MRPS27: variants seen among roughly 807,000 people sequenced by gnomAD.
The protein encoded by MRPS27 is small ribosomal subunit protein mS27.
MRPS27 carries 43 observed loss-of-function variants against 48.9 expected under a neutral mutation model. That is an observed-to-expected ratio of 0.88 (90% CI 0.69 to 1.13). MRPS27 has a LOEUF of 1.13. Among genes scored for constraint, MRPS27 ranks in the 50% most tolerant of loss-of-function variants. The pLI is 0.00. For synonymous variants in MRPS27, 188 were observed against 171.9 expected (o/e 1.09, Z -0.73); for missense variants, 467 against 476.3 (o/e 0.98, Z 0.18).
At chr5:72,232,174 T>C (rs1748079392) in intron 7 of MRPS27, among the ~76,000 whole-genome samples, 1 of 152,184 alleles carries the variant, frequency 6.6e-6, no homozygotes, top group African/African-American at 2.4e-5. Flanking sequence ...TCTCAGTGAC[T>C]ACCAATGACC....
intron 2 of MRPS27, among the ~76,000 whole-genome samples, chr5:72,305,980 G>A (rs770751566): frequency 6.6e-6 from 1 of 152,204 alleles, no homozygotes; most frequent in East Asian, 1.9e-4. Flanking sequence ...GTTGAAATCT[G>A]ATTGAAGTAG....
At chr5:72,261,027 C>A (rs1190654369) in intron 4 of MRPS27, among the ~76,000 whole-genome samples, 1 of 151,914 alleles carries the variant, frequency 6.6e-6, no homozygotes, top group Admixed American at 6.6e-5. Context: ...CCATGCCAGA[C>A]TAATTTTTGT....
intron 4 of MRPS27, among the ~76,000 whole-genome samples, chr5:72,270,300 T>C (rs1014849201): frequency 6.6e-6 from 1 of 150,836 alleles, no homozygotes; most frequent in South Asian, 2.1e-4. Flanking sequence ...AAAATACTCA[T>C]TAATTAAAGG....
intron 4 of MRPS27, among the ~76,000 whole-genome samples, chr5:72,248,099 T>G (rs1413702928): frequency 2.0e-5 from 3 of 152,222 alleles, no homozygotes; most frequent in Admixed American, 6.5e-5. Context: ...ATAGTAAAAC[T>G]CAGTATGACT....
At chr5:72,271,648 A>G (rs934660418) in intron 4 of MRPS27, among the ~76,000 whole-genome samples, 1 of 152,216 alleles carries the variant, frequency 6.6e-6, no homozygotes, top group Non-Finnish European at 1.5e-5. Flanking sequence ...GAGACAACTG[A>G]CAAAATTTGA....
intron 5 of MRPS27, among the ~76,000 whole-genome samples, chr5:72,237,274 C>A (rs536704715): frequency 6.6e-6 from 1 of 152,006 alleles, no homozygotes; most frequent in Non-Finnish European, 1.5e-5. Flanking sequence ...ATTTTTGTAT[C>A]CACTATCAAT....
At chr5:72,291,625 C>T (rs576493332) in intron 4 of MRPS27, among the ~76,000 whole-genome samples, 23 of 152,304 alleles carry the variant, frequency 1.5e-4, no homozygotes, top group Middle Eastern at 6.8e-3. Context: ...TCATCTGCTG[C>T]CTACATTCAT....
chr5:72,249,785 T>C (rs996383515), intron 4 of MRPS27, among the ~76,000 whole-genome samples: 5 of 150,430 alleles, frequency 3.3e-5, no homozygotes, highest in Non-Finnish European at 7.4e-5. Flanking sequence ...ACAGAGACCA[T>C]CCTGGCTAAC....
intron 4 of MRPS27, among the ~76,000 whole-genome samples, chr5:72,267,659 T>C (rs1466457970): frequency 6.6e-6 from 1 of 152,196 alleles, no homozygotes; most frequent in Non-Finnish European, 1.5e-5. Context: ...AAATAAGATA[T>C]AACCATTACC....
chr5:72,298,619 T>C (rs1186444394), intron 2 of MRPS27, among the ~76,000 whole-genome samples: 3 of 145,230 alleles, frequency 2.1e-5, no homozygotes, highest in Non-Finnish European at 4.5e-5. Flanking sequence ...GGCAGGAGAA[T>C]GGCGTGAACC....
chr5:72,238,231 T>C (rs1748256701), intron 4 of MRPS27, 103 bp from the exon 5 acceptor site: 2 of 696,450 alleles, frequency 2.9e-6, no homozygotes, highest in Non-Finnish European at 5.0e-6. Flanking sequence ...GAGTGCAATG[T>C]GACAGAAATT....
intron 4 of MRPS27, among the ~76,000 whole-genome samples, chr5:72,273,856 A>C (rs932637704): frequency 6.6e-6 from 1 of 152,222 alleles, no homozygotes; most frequent in Non-Finnish European, 1.5e-5. Flanking sequence ...TCTCGCTAAT[A>C]AATTAACCTT....
intron 4 of MRPS27, among the ~76,000 whole-genome samples, chr5:72,270,585 C>T (rs1749212980): frequency 6.6e-6 from 1 of 152,052 alleles, no homozygotes; most frequent in Non-Finnish European, 1.5e-5. Context: ...TCGGTGAATG[C>T]TATCAAGCAC....
intron 4 of MRPS27, among the ~76,000 whole-genome samples, chr5:72,244,942 C>T (rs1748471801): frequency 6.6e-6 from 1 of 152,018 alleles, no homozygotes; most frequent in African/African-American, 2.4e-5. Context: ...CAGTTGTGTT[C>T]TTTGTCTAAA....
At chr5:72,270,135 G>C (rs567452762) in intron 4 of MRPS27, among the ~76,000 whole-genome samples, 1 of 150,680 alleles carries the variant, frequency 6.6e-6, no homozygotes, top group African/African-American at 2.4e-5. Context: ...GGAGGTTACA[G>C]TGAGCTGAGA....
chr5:72,320,205 A>C lies in MRPS27; in HGVS notation c.17T>G (p.Val6Gly), dbSNP rs1281434586. 6 of 1,613,822 alleles carry C rather than the reference A, an allele frequency of 3.7e-6. No homozygotes were observed. The highest frequency in any genetic ancestry group is 2.2e-5 in the East Asian group (1 of 44,874). Residue 6 changes from valine to glycine, a missense_variant, in exon 1 of 11, where the codon GTG (valine) becomes GGG (glycine). By Grantham distance (109) the Val-to-Gly change is moderately radical. Transcript: ENST00000261413. Reference protein sequence around the residue: MAASIVRRGMLLARQV... With the variant: MAASIGRRGMLLARQV... ...CCGCGCCAGGAGCATCCCGCGCCGC[A>C]CTATGGAGGCAGCCATCTTGGAGCG... is the stretch of plus-strand genomic sequence containing the variant.
chr5:72,223,875 A>T (rs1190477002), intron 9 of MRPS27, 25 bp from the exon 10 acceptor site: 24 of 1,607,498 alleles, frequency 1.5e-5, no homozygotes, highest in Non-Finnish European at 2.0e-5. Flanking sequence ...GAGGGTCAGC[A>T]ACCAAATGTT....
intron 2 of MRPS27, among the ~76,000 whole-genome samples, chr5:72,300,777 C>T (rs1750106575): frequency 6.6e-6 from 1 of 152,182 alleles, no homozygotes; most frequent in East Asian, 1.9e-4. Context: ...CTGTCCCCAC[C>T]CTTATTATCT....
chr5:72,277,122 A>ATCAC (rs1254271515), intron 4 of MRPS27, among the ~76,000 whole-genome samples: 1 of 152,168 alleles, frequency 6.6e-6, no homozygotes, highest in African/African-American at 2.4e-5. Context: ...AAAGGTCAAC[A>ATCAC]TCACTGATCA....
Sources: gnomAD v4.1 joint callset for allele counts (sites outside exome capture counted in the v4.1 genomes callset) on GRCh38, gnomAD v4.1.1 for gene constraint, MANE v1.5 for transcripts, NCBI Gene and HGNC (gene_info 2026-07-23, HGNC 2026-07-21) for gene names.